The following TRIP12 variants were observed in gnomAD, a reference collection of about 807,000 sequenced individuals.
TRIP12 encodes the protein thyroid hormone receptor interactor 12.
Under a neutral mutation model 244.2 loss-of-function variants are expected in TRIP12, and 25 were observed. That is an observed-to-expected ratio of 0.10 (90% confidence interval 0.07 to 0.14). The LOEUF (loss-of-function observed/expected upper bound fraction) is 0.14, where lower values mean the gene tolerates loss of function less well. Among genes scored for constraint, TRIP12 ranks in the 10% least tolerant of loss-of-function variants. The pLI is 1.00. For missense variants in TRIP12, 1,677 were observed against 2,486.4 expected (o/e 0.67, Z 6.92); for synonymous variants, 905 against 873.1 (o/e 1.04, Z -0.64).
intron 6 of TRIP12, among the ~76,000 whole-genome samples, chr2:229,835,951 A>G (rs1275045328): frequency 2.6e-5 from 4 of 152,254 alleles, no homozygotes; most frequent in Non-Finnish European, 4.4e-5. Flanking sequence ...CTCTCCCACC[A>G]TATAATTTAT....
chr2:229,846,535 C>T (rs888937646), intron 4 of TRIP12, among the ~76,000 whole-genome samples: 2 of 151,764 alleles, frequency 1.3e-5, no homozygotes, highest in African/African-American at 4.8e-5. Flanking sequence ...CTTTTATGTG[C>T]ACTGGGAAAC....
intron 4 of TRIP12, among the ~76,000 whole-genome samples, chr2:229,844,868 C>T (rs2057254509): frequency 6.6e-6 from 1 of 152,068 alleles, no homozygotes; most frequent in South Asian, 2.1e-4. Context: ...TTTCTGAGTG[C>T]ACTGCTTATT....
chr2:229,791,697 T>A (rs1454336944), intron 29 of TRIP12, 169 bp downstream of exon 29: 2 of 661,156 alleles, frequency 3.0e-6, no homozygotes, highest in Non-Finnish European at 5.1e-6. Flanking sequence ...GGAGGCTACA[T>A]ATACATATGC....
Position 229,785,870 on chromosome 2 carries a change from C to G in TRIP12, c.4996-15G>C, listed in dbSNP as rs2039846046. The G allele has an allele frequency of 1.2e-6, 2 of 1,602,864 alleles. No individual in the cohort carries two copies. Among genetic ancestry groups the G allele is most frequent in the Admixed American group, 1.7e-5 (1 of 57,654 alleles). On this transcript the variant is annotated splice_polypyrimidine_tract_variant and intron_variant, in intron 33 of 41. Transcript: ENST00000675903. The stretch of plus-strand genomic sequence containing the variant: ...TTCACAGTACGCTACAAAGAAAGTA[C>G]AACTGTCAGGAAACTATGCTCTACC...
intron 2 of TRIP12, among the ~76,000 whole-genome samples, chr2:229,870,458 G>C (rs188770969): frequency 1.3e-5 from 2 of 152,192 alleles, no homozygotes; most frequent in Non-Finnish European, 2.9e-5. Flanking sequence ...TACTGAGTCT[G>C]TAGTTCCCGG....
chr2:229,860,273 C>T (rs2060249693), intron 3 of TRIP12, 133 bp downstream of exon 3: 1 of 1,162,432 alleles, frequency 8.6e-7, no homozygotes, highest in Non-Finnish European at 1.2e-6. Context: ...AACTGTCAAT[C>T]CTAAAAGTTA....
rs375587377 is a variant in TRIP12, at chr2:229,766,498, G to A, written c.*1056C>T. 6.6e-5 allele frequency: 10 copies of A among 152,198 alleles called. No homozygotes were observed. The East Asian group carries it at 1.5e-3, about 23-fold the overall frequency. The allele number at this position is 152,198 out of a possible 1,614,324, so 9.4% of individuals were successfully genotyped here. ...ATTGCTTACAGGTGCTTTTATCTGCGTCGAGACAAAGGCTGAACTGTTTTG... is the reference window on the plus strand; with the variant it reads ...ATTGCTTACAGGTGCTTTTATCTGCATCGAGACAAAGGCTGAACTGTTTTG... On this transcript the variant is annotated 3_prime_UTR_variant, in exon 42 of 42. Transcript: ENST00000675903.
intron 26 of TRIP12, 32 bp downstream of exon 26, chr2:229,795,147 T>C (rs1418903116): frequency 1.3e-6 from 2 of 1,587,704 alleles, no homozygotes; most frequent in Middle Eastern, 3.4e-4. Context: ...CAAATTCCAG[T>C]GGCAAGGGTA....
chr2:229,874,673 T>C lies in TRIP12; in HGVS notation c.98+5309A>G, dbSNP rs561192352. 7.9e-5 allele frequency among the ~76,000 whole-genome samples: 12 copies of C among 152,214 alleles called. No individual in the cohort carries two copies. In the South Asian group the frequency reaches 2.3e-3, roughly 29 times the overall value. On this transcript the variant is annotated intron_variant, in intron 2 of 41. Coordinates refer to ENST00000675903, the MANE Select transcript of TRIP12 (RefSeq NM_001348323.3). ...TACATATATTGATCTCTGTGGAATT[T>C]TGAAAAAAACAAAAAGAAGCTACAC...
chr2:229,867,508 G>A (rs965357249), intron 2 of TRIP12, among the ~76,000 whole-genome samples: 1 of 151,902 alleles, frequency 6.6e-6, no homozygotes, highest in African/African-American at 2.4e-5. Flanking sequence ...ATGAGAAAAA[G>A]GGAGGAAAAC....
chr2:229,802,607 C>A, intron 20 of TRIP12, 148 bp from the exon 21 acceptor site: 6 of 508,628 alleles, frequency 1.2e-5, no homozygotes, highest in Non-Finnish European at 2.0e-5. Context: ...AAATTAGGAG[C>A]CAGAGTTTTC....
At chr2:229,780,876 G>T (rs1333123032) in intron 34 of TRIP12, among the ~76,000 whole-genome samples, 1 of 152,046 alleles carries the variant, frequency 6.6e-6, no homozygotes, top group Admixed American at 6.6e-5. Context: ...ATTCTGTTCT[G>T]CACTGAATCC....
At chr2:229,776,280 T>A (rs1241695642) in intron 37 of TRIP12, among the ~76,000 whole-genome samples, 2 of 152,228 alleles carry the variant, frequency 1.3e-5, no homozygotes, top group Non-Finnish European at 2.9e-5. Flanking sequence ...CTCCTTTTTT[T>A]GTTTTTCCAT....
At chr2:229,824,152 T>C (rs2050847844) in intron 8 of TRIP12, among the ~76,000 whole-genome samples, 1 of 152,208 alleles carries the variant, frequency 6.6e-6, no homozygotes, top group Non-Finnish European at 1.5e-5. Context: ...CTTGTACTGT[T>C]TGAGATATGA....
intron 4 of TRIP12, among the ~76,000 whole-genome samples, chr2:229,844,353 G>A (rs1393844219): frequency 6.6e-6 from 1 of 152,148 alleles, no homozygotes; most frequent in East Asian, 1.9e-4. Context: ...ACCAAAGGTA[G>A]GTCACTACCA....
At chr2:229,833,659 T>C (rs1430305273) in intron 6 of TRIP12, among the ~76,000 whole-genome samples, 2 of 152,230 alleles carry the variant, frequency 1.3e-5, no homozygotes, top group African/African-American at 2.4e-5. Flanking sequence ...AGGATTCTTT[T>C]GCCATACCTC....
Position 229,858,960 on chromosome 2 carries a change from G to C in TRIP12, c.839C>G (p.Ser280Cys). The C allele has an allele frequency of 6.2e-7, 1 of 1,614,196 alleles. No individual in the cohort carries two copies. Among genetic ancestry groups the C allele is most frequent in the African/African-American group, 1.3e-5 (1 of 75,044 alleles). ...GCTACTTCTTCTGGGGCTGGGACTG[G>C]ACGCTGAACGGGAACGCCTGGCCTT... Reference protein sequence around the residue: ...QNKARRSRSASSPSPRRSSRE... With the variant: ...QNKARRSRSACSPSPRRSSRE... The change falls in exon 4 of 42, where the codon TCC (serine) becomes TGC (cysteine). Residue 280 changes from serine (S) to cysteine (C), a missense_variant. Physicochemically the swap from Ser to Cys is moderately radical, Grantham distance 112. This residue lies in a region of TRIP12 where 387 missense variants were observed against 392.6 expected (regional missense o/e 0.99). Coordinates refer to ENST00000675903, the MANE Select transcript of TRIP12 (RefSeq NM_001348323.3).
At chr2:229,897,200 A>T (rs2069086266) in intron 1 of TRIP12, among the ~76,000 whole-genome samples, 1 of 152,248 alleles carries the variant, frequency 6.6e-6, no homozygotes. Flanking sequence ...CATAGTGAAA[A>T]AGGGTTTAAT....
chr2:229,865,644 T>C (rs979076841), intron 2 of TRIP12, among the ~76,000 whole-genome samples: 1 of 152,182 alleles, frequency 6.6e-6, no homozygotes, highest in African/African-American at 2.4e-5. Context: ...GACACATTTT[T>C]ATGCTTTTCT....
Sources: allele counts gnomAD v4.1 joint callset (sites outside exome capture counted in the v4.1 genomes callset), GRCh38; gene constraint gnomAD v4.1.1; regional missense constraint gnomAD v4.1.1; transcripts MANE v1.5; gene names NCBI Gene and HGNC (gene_info 2026-07-23, HGNC 2026-07-21).